The following PHKA1 variants were observed in gnomAD, a reference collection of about 807,000 sequenced individuals.
The protein encoded by PHKA1 is phosphorylase b kinase regulatory subunit alpha, skeletal muscle isoform.
PHKA1 carries 60 observed loss-of-function variants against 110.2 expected under a neutral mutation model. The ratio of observed to expected loss-of-function variants is 0.54; its 90% CI spans 0.44 to 0.68. PHKA1 has a LOEUF of 0.68. PHKA1 is among the 30% of genes least tolerant of loss of function. The probability of loss-of-function intolerance (pLI) is 0.00; values close to 1 mark genes in which losing one functional copy is unlikely to be tolerated. For missense variants in PHKA1, 801 were observed against 942.5 expected (o/e 0.85, Z 1.97); for synonymous variants, 316 against 333.6 (o/e 0.95, Z 0.58).
At chrX:72,587,700 G>C (rs2052453690) in intron 29 of PHKA1, among the ~76,000 whole-genome samples, 1 of 111,280 alleles carries the variant, frequency 9.0e-6, no homozygotes, top group South Asian at 3.8e-4. Flanking sequence ...CTCTTGTGCA[G>C]AGACACACAT....
At chrX:72,647,333 G>A (rs935614222) in intron 13 of PHKA1, among the ~76,000 whole-genome samples, 1 of 111,370 alleles carries the variant, frequency 9.0e-6, no homozygotes, top group Non-Finnish European at 1.9e-5. Context: ...GGAGGATGGT[G>A]TGTCATTTAA....
At chrX:72,616,404 T>C (rs1249636337) in intron 21 of PHKA1, among the ~76,000 whole-genome samples, 1 of 111,743 alleles carries the variant, frequency 8.9e-6, no homozygotes, top group Non-Finnish European at 1.9e-5. Context: ...AAAAGTGATA[T>C]AGAAGGTCAC....
chrX:72,687,219 A>G (rs782276034), intron 4 of PHKA1, among the ~76,000 whole-genome samples: 37 of 111,638 alleles, frequency 3.3e-4, no homozygotes, highest in African/African-American at 1.2e-3. Context: ...GTATGGTCTT[A>G]GTATATATAT....
At chrX:72,695,951 AAC>A in intron 3 of PHKA1, 75 bp from the exon 4 acceptor site, 1 of 805,163 alleles carries the variant, frequency 1.2e-6, no homozygotes, top group Non-Finnish European at 1.9e-6. Context: ...GTAATACTCT[AAC>A]ATACATTATT....
Position 72,584,262 on chromosome X carries a change from G to A in PHKA1, c.3284C>T (p.Ser1095Phe). ...LSVEGFVLPSSTTREMTPGEI... is the reference protein window; with the variant it reads ...LSVEGFVLPSFTTREMTPGEI... The stretch of plus-strand genomic sequence containing the variant: ...AGAGACTCTTACCTCTCTAGTGGTA[G>A]AGGAAGGAAGGACAAACCCTTCAAC... Residue 1095 changes from serine (S) to phenylalanine (F), a missense_variant, in exon 30 of 32, where the codon TCT becomes TTT. Ser to Phe is a radical substitution (Grantham distance 155, BLOSUM62 -2). Transcript: ENST00000373542. 1 of 1,205,677 alleles carries A rather than the reference G, an allele frequency of 8.3e-7. No homozygotes were observed. The highest frequency in any genetic ancestry group is 1.1e-6 in the Non-Finnish European group (1 of 890,035).
chrX:72,697,259 TAAC>T (rs1196208841), intron 3 of PHKA1: 1 of 112,019 alleles, frequency 8.9e-6, no homozygotes, highest in Non-Finnish European at 1.9e-5. Flanking sequence ...AAGTTAGCAT[TAAC>T]AACCAGCTGG....
intron 3 of PHKA1, among the ~76,000 whole-genome samples, chrX:72,699,848 T>C (rs1556328878): frequency 1.8e-5 from 2 of 111,700 alleles, no homozygotes; most frequent in African/African-American, 6.5e-5. Flanking sequence ...CAATTAAAGC[T>C]ATTTGATTCC....
chrX:72,628,728 T>G (rs1456070999), intron 16 of PHKA1, among the ~76,000 whole-genome samples: 1 of 108,299 alleles, frequency 9.2e-6, no homozygotes, highest in African/African-American at 3.4e-5. Context: ...TAACTGGGAC[T>G]ACAGGCGCGT....
chrX:72,649,086 G>A (rs1168144736), intron 13 of PHKA1, among the ~76,000 whole-genome samples: 2 of 112,248 alleles, frequency 1.8e-5, no homozygotes, highest in Non-Finnish European at 3.8e-5. Context: ...AACCTCAAAG[G>A]AGAACAAGAT....
chrX:72,624,355 T>C (rs1457035892), intron 17 of PHKA1, among the ~76,000 whole-genome samples: 2 of 111,570 alleles, frequency 1.8e-5, no homozygotes, highest in African/African-American at 6.5e-5. Context: ...AGTCCACATA[T>C]CTGCCTTATA....
At position 72,636,350 on chromosome X, in the gene PHKA1, T is replaced by C. The variant is rs1217992635; in HGVS notation, c.1496A>G (p.Tyr499Cys). ...AGTTCCAAGCACTCCCATGTGTCTG[T>C]AGGGTCGTCCACTGAGTTTCATTCT... is the stretch of plus-strand genomic sequence containing the variant. ...NNRMKLSGRP[Y>C]RHMGVLGTSK... is the part of the protein sequence containing the mutation. Residue 499 changes from tyrosine to cysteine, a missense_variant, in exon 15 of 32, where the codon TAC (tyrosine) becomes TGC (cysteine). Physicochemically the swap from Tyr to Cys is radical, Grantham distance 194 (BLOSUM62 -2). This residue lies in a region of PHKA1 where 299 missense variants were observed against 423.3 expected (regional missense o/e 0.71). Transcript: ENST00000373542. 1 of 1,200,684 alleles carries C rather than the reference T, an allele frequency of 8.3e-7. No homozygotes were observed. The highest frequency in any genetic ancestry group is 1.1e-6 in the Non-Finnish European group (1 of 885,205).
rs1209640736 is a variant in PHKA1, at chrX:72,635,240, A to C, written c.1629T>G (p.Leu543=). ...ALDNKMIVEM[L]RTDLSYLCSR... is the part of the protein sequence containing the mutation. Reference sequence around the variant, plus strand: ...TACAGAGGTAGGAGAGGTCTGTTCTAAGCATTTCCACTATCATCTTGTTGT... The same window carrying C: ...TACAGAGGTAGGAGAGGTCTGTTCTCAGCATTTCCACTATCATCTTGTTGT... The change falls in exon 16 of 32, where the codon CTT becomes CTG. Residue 543 remains leucine (L), a synonymous_variant. Coordinates refer to ENST00000373542, the MANE Select transcript of PHKA1 (RefSeq NM_002637.4). 3 of 1,209,035 alleles carry C rather than the reference A, an allele frequency of 2.5e-6. No individual in the cohort carries two copies. The highest frequency in any genetic ancestry group is 3.4e-6 in the Non-Finnish European group (3 of 894,237).
chrX:72,652,502 T>G (rs781871482), intron 12 of PHKA1, 42 bp downstream of exon 12: 3 of 734,269 alleles, frequency 4.1e-6, no homozygotes, highest in African/African-American at 4.1e-5. Flanking sequence ...TATGGTGACT[T>G]AAGGCAGAAA....
At chrX:72,692,628 T>C (rs1302403199) in intron 4 of PHKA1, among the ~76,000 whole-genome samples, 1 of 112,087 alleles carries the variant, frequency 8.9e-6, no homozygotes, top group Non-Finnish European at 1.9e-5. Flanking sequence ...CAGTTGTCCA[T>C]AGTATTCCCC....
chrX:72,694,445 A>C (rs1255277529), intron 4 of PHKA1, among the ~76,000 whole-genome samples: 1 of 112,081 alleles, frequency 8.9e-6, no homozygotes, highest in South Asian at 3.7e-4. Context: ...GCTAGTCCCA[A>C]CCTTCTAGTT....
At chrX:72,690,548 G>A (rs1014435619) in intron 4 of PHKA1, among the ~76,000 whole-genome samples, 8 of 110,909 alleles carry the variant, frequency 7.2e-5, no homozygotes, top group Non-Finnish European at 1.5e-4. Context: ...CACAGAAAGG[G>A]TAGCCATCTG....
At chrX:72,679,844 A>AG (rs1323729989) in intron 5 of PHKA1, among the ~76,000 whole-genome samples, 1 of 110,390 alleles carries the variant, frequency 9.1e-6, no homozygotes, top group Non-Finnish European at 1.9e-5. Flanking sequence ...ACTCGAAGGA[A>AG]GGGGGGGAAC....
At chrX:72,614,287 AAGAG>A (rs35637733) in intron 21 of PHKA1, among the ~76,000 whole-genome samples, 6 of 109,722 alleles carry the variant, frequency 5.5e-5, no homozygotes, top group Non-Finnish European at 9.5e-5. Flanking sequence ...ATCAACGTGA[AAGAG>A]AGAGAGAGAG....
In PHKA1 at chrX:72,620,742, T is replaced by C; in HGVS notation, c.2120A>G (p.Lys707Arg). The change falls in exon 19 of 32, where the codon AAG (lysine) becomes AGG (arginine). Residue 707 changes from lysine (K) to arginine (R), a missense_variant. Lys to Arg is a conservative substitution (Grantham distance 26). Coordinates refer to ENST00000373542, the MANE Select transcript of PHKA1 (RefSeq NM_002637.4). ...CDLMSLVTKA[K>R]ELHVQNVHMY... ...TTACTCACTCTGTACATGCAGTTCCTTGGCCTTGGTCACCAAGGACATTAA... is the reference window on the plus strand; with the variant it reads ...TTACTCACTCTGTACATGCAGTTCCCTGGCCTTGGTCACCAAGGACATTAA... 8.3e-7 allele frequency: 1 copy of C among 1,208,900 alleles called. No individual in the cohort carries two copies. The highest frequency in any genetic ancestry group is 1.1e-6 in the Non-Finnish European group (1 of 893,910).
Sources: allele counts gnomAD v4.1 joint callset (sites outside exome capture counted in the v4.1 genomes callset), GRCh38; gene constraint gnomAD v4.1.1; regional missense constraint gnomAD v4.1.1; transcripts MANE v1.5; gene names NCBI Gene and HGNC (gene_info 2026-07-23, HGNC 2026-07-21).